Variants in NCR1 observed in about 807,000 individuals in gnomAD.
The protein encoded by NCR1 is NK cell-activating receptor.
In NCR1, 30 loss-of-function variants were observed where a neutral mutation model predicts 32.5. The observed-to-expected ratio is 0.92, with a 90% CI of 0.69 to 1.25. The LOEUF is 1.25. Ranked by LOEUF, NCR1 falls within the 50% of genes most tolerant of loss-of-function variation. NCR1 has a pLI of 0.00. For synonymous variants in NCR1, 169 were observed against 143.4 expected (o/e 1.18, Z -1.28); for missense variants, 369 against 380.7 (o/e 0.97, Z 0.26).
the NCR1 span, among the ~76,000 whole-genome samples, chr19:54,935,222 AG>A: frequency 0.12 from 16,463 of 142,230 alleles, 2,975 homozygotes; most frequent in African/African-American, 0.39. Flanking sequence ...ATGATTTTGC[AG>A]GGGGGAAAAA....
At chr19:54,926,954 G>A in the NCR1 span, among the ~76,000 whole-genome samples, 1 of 150,078 alleles carries the variant, frequency 6.7e-6, no homozygotes, top group South Asian at 2.1e-4. Context: ...GCCAGCTGTG[G>A]TGGTGTGTAC....
At position 54,909,353 on chromosome 19, in the gene NCR1, T is replaced by A. The variant is rs1358565777; in HGVS notation, c.464T>A (p.Leu155Gln). 1.2e-6 allele frequency: 2 copies of A among 1,614,094 alleles called. No homozygotes were observed. The highest frequency in any genetic ancestry group is 4.5e-5 in the East Asian group (2 of 44,868). Residue 155 changes from leucine (L) to glutamine (Q), a missense_variant, in exon 4 of 7, where the codon CTG becomes CAG. Transcript: ENST00000291890. The part of the protein sequence containing the change: ...RLDTATSMFL[L>Q]LKEGRSSHVQ... ...GACACTGCAACAAGCATGTTCTTACTGCTCAAGGAGGGAAGATCCAGCCAC... is the reference window on the plus strand; with the variant it reads ...GACACTGCAACAAGCATGTTCTTACAGCTCAAGGAGGGAAGATCCAGCCAC...
At chr19:54,934,050 T>C in the NCR1 span, among the ~76,000 whole-genome samples, 1 of 152,140 alleles carries the variant, frequency 6.6e-6, no homozygotes, top group African/African-American at 2.4e-5. The surrounding 1 kb of genome is among the most constrained non-coding windows in gnomAD (Gnocchi z 6.7). Flanking sequence ...TTTACACCAT[T>C]CTGCTGACTC....
chr19:54,925,806 C>G, the NCR1 span, among the ~76,000 whole-genome samples: 1 of 152,106 alleles, frequency 6.6e-6, no homozygotes, highest in Non-Finnish European at 1.5e-5. Flanking sequence ...CGAGACCAGC[C>G]TGGCCAACAT....
chr19:54,929,409 A>G, the NCR1 span, among the ~76,000 whole-genome samples: 2,382 of 32,812 alleles, frequency 0.073, 49 homozygotes, highest in African/African-American at 0.19. Flanking sequence ...TTTTTTCTTT[A>G]CTCTACAGCA....
the NCR1 span, among the ~76,000 whole-genome samples, chr19:54,931,349 G>A: frequency 6.6e-6 from 1 of 152,132 alleles, no homozygotes; most frequent in Non-Finnish European, 1.5e-5. Flanking sequence ...ACAAGATCAG[G>A]AGTTCAAGAC....
At chr19:54,926,331 T>C in the NCR1 span, among the ~76,000 whole-genome samples, 1 of 152,114 alleles carries the variant, frequency 6.6e-6, no homozygotes, top group Non-Finnish European at 1.5e-5. Context: ...TTGGACAATA[T>C]TCAATTCACA....
At chr19:54,902,302 A>AT (rs772490924), upstream of NCR1, among the ~76,000 whole-genome samples, 897 of 144,296 alleles carry the variant, frequency 6.2e-3, 8 homozygotes, top group African/African-American at 0.015. Flanking sequence ...GAAATTACAG[A>AT]TTTTTTTTTT....
the NCR1 span, chr19:54,927,677 T>C: frequency 1.9e-6 from 3 of 1,614,096 alleles, no homozygotes; most frequent in Non-Finnish European, 2.5e-6. Flanking sequence ...CTTCCACAAA[T>C]GATTCTGGCC....
At chr19:54,903,513 T>TGG (rs1445158767), upstream of NCR1, among the ~76,000 whole-genome samples, 1 of 128,052 alleles carries the variant, frequency 7.8e-6, no homozygotes, top group African/African-American at 2.8e-5. Context: ...TATACACGCA[T>TGG]ACATGTGTGT....
the NCR1 span, among the ~76,000 whole-genome samples, chr19:54,922,057 CG>C: frequency 6.6e-6 from 1 of 151,934 alleles, no homozygotes; most frequent in African/African-American, 2.4e-5. Flanking sequence ...CCACCCCACC[CG>C]GCTAATTTTG....
At chr19:54,929,548 C>G in the NCR1 span, among the ~76,000 whole-genome samples, 1 of 152,094 alleles carries the variant, frequency 6.6e-6, no homozygotes, top group Non-Finnish European at 1.5e-5. Flanking sequence ...GCTCGCCATT[C>G]CATTTGTGGA....
At chr19:54,923,929 T>G in the NCR1 span, 5 of 1,574,220 alleles carry the variant, frequency 3.2e-6, no homozygotes, top group African/African-American at 6.7e-5. Context: ...CTACCCAGGA[T>G]GCCTGAATAT....
At chr19:54,905,349 T>TTTATTA (rs202165378), upstream of NCR1, among the ~76,000 whole-genome samples, 9 of 151,556 alleles carry the variant, frequency 5.9e-5, no homozygotes, top group African/African-American at 1.9e-4. Context: ...TTGAGGAGGA[T>TTTATTA]TTATTATTAT....
chr19:54,906,095 C>G, upstream of NCR1: 1 of 1,503,988 alleles, frequency 6.6e-7, no homozygotes, highest in Non-Finnish European at 9.2e-7. Flanking sequence ...GTGATGGGCG[C>G]TGGTGCTCAC....
chr19:54,923,878 G>A, the NCR1 span: 1 of 1,612,540 alleles, frequency 6.2e-7, no homozygotes, highest in East Asian at 2.2e-5. Context: ...TCAACCTGGA[G>A]GGATCAGAGA....
downstream of NCR1, among the ~76,000 whole-genome samples, chr19:54,915,011 A>C (rs547543612): frequency 6.6e-6 from 1 of 152,152 alleles, no homozygotes; most frequent in East Asian, 1.9e-4. Flanking sequence ...TCAAAGTGCT[A>C]GGATTACAGG....
At chr19:54,934,400 C>T in the NCR1 span, 949 of 1,352,332 alleles carry the variant, frequency 7.0e-4, 6 homozygotes, top group East Asian at 0.016. This position sits in a 1 kb window ranked among gnomAD's most constrained non-coding sequence, Gnocchi z 6.7. Context: ...AGAGGCGCCA[C>T]GTGGGTGGCG....
intron 3 of NCR1, among the ~76,000 whole-genome samples, chr19:54,908,424 C>G (rs1602046565): frequency 6.7e-6 from 1 of 149,988 alleles, no homozygotes; most frequent in East Asian, 2.0e-4. Flanking sequence ...ATCTCTCTTT[C>G]TTTTCCCCAC....
Sources: allele counts gnomAD v4.1 joint callset (sites outside exome capture counted in the v4.1 genomes callset), GRCh38; gene constraint gnomAD v4.1.1; non-coding constraint Gnocchi (gnomAD v3.1); transcripts MANE v1.5; gene names NCBI Gene and HGNC (gene_info 2026-07-23, HGNC 2026-07-21).